PHACTR3: variants seen among roughly 807,000 people sequenced by gnomAD.
The protein encoded by PHACTR3 is phosphatase and actin regulator 3.
A neutral mutation model predicts 66.8 loss-of-function variants in PHACTR3; 16 were observed. The observed-to-expected ratio is 0.24, with a 90% CI of 0.16 to 0.36. PHACTR3 has a LOEUF of 0.36. PHACTR3 is among the 10% of genes least tolerant of loss of function. PHACTR3 has a pLI of 1.00. For missense variants in PHACTR3, 647 were observed against 719.9 expected, an observed-to-expected ratio of 0.90 and a Z score of 1.16; for synonymous variants, 323 against 292.1, an observed-to-expected ratio of 1.11 and a Z score of -1.08.
chr20:59,717,637 C>G (rs1421737482), intron 1 of PHACTR3, among the ~76,000 whole-genome samples: 2 of 151,950 alleles, frequency 1.3e-5, no homozygotes, highest in East Asian at 1.9e-4. Context: ...ACCCACCCCC[C>G]AGCCCGTGTT....
intron 4 of PHACTR3, 125 bp downstream of exon 4, chr20:59,755,489 G>A (rs571276729): frequency 2.4e-5 from 27 of 1,128,784 alleles, no homozygotes; most frequent in South Asian, 6.3e-5. Flanking sequence ...AGCTGGGCCC[G>A]TGCTCTAAGC....
intron 1 of PHACTR3, among the ~76,000 whole-genome samples, chr20:59,685,348 G>A (rs926526608): frequency 6.6e-6 from 1 of 152,208 alleles, no homozygotes; most frequent in African/African-American, 2.4e-5. Context: ...ACATAGCCAG[G>A]TGGCTGGCAG....
chr20:59,605,006 G>A lies in PHACTR3; in HGVS notation c.-9G>A, dbSNP rs1377063849. The A allele has an allele frequency of 3.0e-6, 4 of 1,314,036 alleles. No homozygotes were observed. The highest frequency in any genetic ancestry group is 3.9e-6 in the Non-Finnish European group (4 of 1,025,572). 81.4% of individuals were successfully genotyped at this position (1,314,036 alleles called of 1,614,324 possible). ...CTCGCTCTAACTTGCCCCCGCGCCG[G>A]CCGGGCCCATGGCCGCGTCGGAGGA... On this transcript the variant is annotated 5_prime_UTR_variant, in exon 1 of 13. Coordinates refer to ENST00000371015, the MANE Select transcript of PHACTR3 (RefSeq NM_080672.5).
intron 8 of PHACTR3, among the ~76,000 whole-genome samples, chr20:59,806,873 G>A (rs769542580): frequency 1.1e-4 from 16 of 152,202 alleles, no homozygotes; most frequent in Admixed American, 3.3e-4. Context: ...ACCATATACT[G>A]TAGGCAATTC....
chr20:59,658,185 CATT>C (rs945859194), intron 1 of PHACTR3, among the ~76,000 whole-genome samples: 2 of 152,170 alleles, frequency 1.3e-5, no homozygotes, highest in African/African-American at 4.8e-5. Context: ...TCTTTATTGA[CATT>C]ATCTATTTGC....
chr20:59,577,633 G>A (rs745617268), intron 1 of PHACTR3: 230 of 1,206,278 alleles, frequency 1.9e-4, no homozygotes, highest in Non-Finnish European at 4.9e-5. Context: ...CGCGCGCTGC[G>A]GGGAGGGGAC....
chr20:59,795,412 C>G (rs1311824603), intron 7 of PHACTR3, among the ~76,000 whole-genome samples: 1 of 148,974 alleles, frequency 6.7e-6, no homozygotes, highest in Non-Finnish European at 1.5e-5. Flanking sequence ...AATATATTAT[C>G]TAGGAGAATG....
At chr20:59,769,457 G>A (rs1193042726) in intron 5 of PHACTR3, among the ~76,000 whole-genome samples, 2 of 152,228 alleles carry the variant, frequency 1.3e-5, no homozygotes, top group Admixed American at 6.5e-5. Context: ...CCGGGGGAGA[G>A]GCCTGGGACG....
intron 6 of PHACTR3, 151 bp from the exon 7 acceptor site, chr20:59,774,092 T>C (rs2040446319): frequency 3.3e-6 from 3 of 909,952 alleles, no homozygotes; most frequent in Admixed American, 3.2e-5. Context: ...CAAATCCTCA[T>C]GCTCCTTCTG....
At chr20:59,731,074 C>A (rs1415469108) in intron 1 of PHACTR3, among the ~76,000 whole-genome samples, 4 of 152,084 alleles carry the variant, frequency 2.6e-5, no homozygotes, top group African/African-American at 9.7e-5. Context: ...TTTTCTTTAA[C>A]CTTTTGCTGA....
intron 1 of PHACTR3, among the ~76,000 whole-genome samples, chr20:59,670,492 A>G (rs2146503820): frequency 6.6e-6 from 1 of 151,924 alleles, no homozygotes. Context: ...GTGAATGGCC[A>G]GAGTGTGGAC....
chr20:59,812,028 G>A (rs1176270898), intron 8 of PHACTR3, among the ~76,000 whole-genome samples: 1 of 152,238 alleles, frequency 6.6e-6, no homozygotes, highest in African/African-American at 2.4e-5. Context: ...CACCTGCACG[G>A]GGCAGAGGCC....
At chr20:59,741,523 G>A (rs2039162885) in intron 1 of PHACTR3, among the ~76,000 whole-genome samples, 1 of 152,090 alleles carries the variant, frequency 6.6e-6, no homozygotes, top group Admixed American at 6.5e-5. Context: ...TCTCAGTCCT[G>A]CCTGGGTGAC....
At chr20:59,770,233 T>C (rs1009812328) in intron 5 of PHACTR3, among the ~76,000 whole-genome samples, 7 of 152,222 alleles carry the variant, frequency 4.6e-5, no homozygotes, top group Non-Finnish European at 1.0e-4. Flanking sequence ...TGCGTTTCCA[T>C]AGGGACTGAA....
At chr20:59,762,543 A>G (rs1456302847) in intron 4 of PHACTR3, among the ~76,000 whole-genome samples, 1 of 152,214 alleles carries the variant, frequency 6.6e-6, no homozygotes, top group East Asian at 1.9e-4. Flanking sequence ...AGAAAGTGCT[A>G]CTGGGTAGTA....
At chr20:59,681,068 G>GT (rs745844918) in intron 1 of PHACTR3, among the ~76,000 whole-genome samples, 1 of 152,178 alleles carries the variant, frequency 6.6e-6, no homozygotes, top group African/African-American at 2.4e-5. Context: ...CTGCCTCCTT[G>GT]TTTTTTAAAT....
rs1281602194 is a variant in PHACTR3 at position 59,847,371 on chromosome 20, C to CAACA, written c.*242_*245dup. On this transcript the variant is annotated 3_prime_UTR_variant, in exon 13 of 13. Transcript: ENST00000371015. ...TGAACTGTTGGGGTCAGTTAAGACCCAACATAACTCTATCAGAAGAAAACT... is the reference window on the plus strand; with the variant it reads ...TGAACTGTTGGGGTCAGTTAAGACCCAACAAACATAACTCTATCAGAAGAAAACT... 2.9e-5 allele frequency: 11 copies of CAACA among 380,252 alleles called. No individual in the cohort carries two copies. Among genetic ancestry groups the CAACA allele is most frequent in the Non-Finnish European group, 4.9e-5 (10 of 205,638 alleles). 23.6% of individuals were successfully genotyped at this position (380,252 alleles called of 1,614,324 possible). A position where few individuals can be genotyped will look rare whatever the true frequency, so the allele number is the denominator to read the frequency against.
At position 59,743,866 on chromosome 20, in the gene PHACTR3, G is replaced by T. The variant is rs147100435; in HGVS notation, c.280+598G>T. Among the ~76,000 whole-genome samples the T allele has an allele frequency of 3.3e-3, 495 of 152,208 alleles. 3 individuals carry two copies. The highest frequency in any genetic ancestry group is 0.011 in the African/African-American group (473 of 41,512). The stretch of plus-strand genomic sequence containing the variant: ...CCCTGCTCCTAAGCTGTCTCAGTGT[G>T]CCTTCCCTACACCCTCCCACCAAAG... On this transcript the variant is annotated intron_variant, in intron 2 of 12. Transcript: ENST00000371015.
chr20:59,742,962 G>A, intron 1 of PHACTR3, 145 bp from the exon 2 acceptor site: 2 of 879,604 alleles, frequency 2.3e-6, no homozygotes, highest in South Asian at 3.5e-5. Flanking sequence ...GCCACTGTGG[G>A]TGCACTGCTG....
Sources: gnomAD v4.1 joint callset for allele counts (sites outside exome capture counted in the v4.1 genomes callset) on GRCh38, gnomAD v4.1.1 for gene constraint, MANE v1.5 for transcripts, NCBI Gene and HGNC (gene_info 2026-07-23, HGNC 2026-07-21) for gene names.